Variants in CAPRIN2 observed in about 807,000 individuals in gnomAD.
CAPRIN2 encodes caprin family member 2, also known as caprin-2.
A neutral mutation model predicts 130.4 loss-of-function variants in CAPRIN2; 66 were observed. That is an observed-to-expected ratio of 0.51 (90% confidence interval 0.42 to 0.62). CAPRIN2 has a LOEUF of 0.62. Ranked by LOEUF, CAPRIN2 falls within the 20% of genes least tolerant of loss-of-function variation. The probability of loss-of-function intolerance (pLI) is 0.00; values close to 1 mark genes in which losing one functional copy is unlikely to be tolerated. For synonymous variants in CAPRIN2, 471 were observed against 444.1 expected (o/e 1.06, Z -0.76); for missense variants, 1,185 against 1,246.6 (o/e 0.95, Z 0.74).
At chr12:30,733,696 C>T (rs2063499255) in exon 5 of CAPRIN2, 1 of 1,613,238 alleles carries the variant, frequency 6.2e-7, no homozygotes, top group South Asian at 1.1e-5. Context: ...ATGACTGCTC[C>T]ATCTGGTCTT....
At chr12:30,720,115 A>G (rs12370429) in intron 12 of CAPRIN2, 96,976 of 152,032 alleles carry the variant, frequency 0.64, 32,455 homozygotes, top group African/African-American at 0.83. Context: ...TTTTGAGATG[A>G]AGTATCACTT....
chr12:30,725,094 T>C (rs2060512894), intron 9 of CAPRIN2, among the ~76,000 whole-genome samples: 2 of 152,182 alleles, frequency 1.3e-5, no homozygotes, highest in Non-Finnish European at 1.5e-5. Flanking sequence ...CCATCAATCC[T>C]AGTCTAATCA....
In CAPRIN2 at chr12:30,710,510, G is replaced by C; in HGVS notation, c.2666-40C>G. 1 of 1,611,716 alleles carries C rather than the reference G, an allele frequency of 6.2e-7. No individual in the cohort carries two copies. The highest frequency in any genetic ancestry group is 8.5e-7 in the Non-Finnish European group (1 of 1,179,518). ...ACAGTGAGTTTCTCATAATGAAGCA[G>C]TTAGCTTTGAACACAATATTTAACA... On this transcript the variant is annotated intron_variant, in intron 16 of 16. Transcript: ENST00000298892. This position sits in a 1 kb window ranked among gnomAD's most constrained non-coding sequence, Gnocchi z 4.8.
intron 11 of CAPRIN2, among the ~76,000 whole-genome samples, chr12:30,722,592 G>T (rs1276403214): frequency 2.6e-5 from 4 of 152,126 alleles, no homozygotes. Context: ...AATATACCCT[G>T]CTCAACAAAT....
intron 10 of CAPRIN2, 149 bp downstream of exon 11, chr12:30,724,221 C>T (rs1222490900): frequency 3.4e-6 from 2 of 585,078 alleles, no homozygotes; most frequent in African/African-American, 3.7e-5. Flanking sequence ...AATTTACCCA[C>T]ATATAACTGG....
chr12:30,733,726 C>G lies in CAPRIN2; in HGVS notation c.810-15G>C. ...GGTCTTCAACACTGACAAGGAAAAG[C>G]AGCAGCAGAACAAAGTGGCTTTAGA... On this transcript the variant is annotated splice_polypyrimidine_tract_variant and intron_variant, in intron 4 of 16. Coordinates refer to ENST00000298892, the Ensembl canonical transcript of CAPRIN2. 2 of 1,599,076 alleles carry G rather than the reference C, an allele frequency of 1.3e-6. No individual in the cohort carries two copies. The highest frequency in any genetic ancestry group is 1.7e-6 in the Non-Finnish European group (2 of 1,166,382).
intron 12 of CAPRIN2, among the ~76,000 whole-genome samples, chr12:30,717,368 A>G (rs1186832180): frequency 6.6e-6 from 1 of 152,220 alleles, no homozygotes; most frequent in African/African-American, 2.4e-5. Context: ...TATGAGGTAG[A>G]ATAGGTAAAT....
chr12:30,728,687 G>C (rs2061667831), exon 8 of CAPRIN2: 1 of 1,613,142 alleles, frequency 6.2e-7, no homozygotes, highest in South Asian at 1.1e-5. Context: ...GCAGCAGCTG[G>C]TCATTTGGTA....
At position 30,740,204 on chromosome 12, in the gene CAPRIN2, G is replaced by C. The variant is rs1017197624; in HGVS notation, c.570+816C>G. On this transcript the variant is annotated intron_variant, in intron 3 of 16. Coordinates refer to ENST00000298892, the Ensembl canonical transcript of CAPRIN2. ...AGATCCCTTCAGCCCAGGATTATAAGCCTCCAGAGAATTATGATCACACCA... is the reference window on the plus strand; with the variant it reads ...AGATCCCTTCAGCCCAGGATTATAACCCTCCAGAGAATTATGATCACACCA... Among the ~76,000 whole-genome samples, 14 of 152,138 alleles carry C rather than the reference G, an allele frequency of 9.2e-5. 1 individual carries two copies. The highest frequency in any genetic ancestry group is 9.2e-4 in the Admixed American group (14 of 15,270).
At chr12:30,742,598 T>C (rs112103320) in intron 2 of CAPRIN2, among the ~76,000 whole-genome samples, 28 of 150,144 alleles carry the variant, frequency 1.9e-4, no homozygotes, top group African/African-American at 5.6e-4. Context: ...ATACTAAATA[T>C]AATGAGTGAA....
chr12:30,733,720 G>A lies in CAPRIN2; in HGVS notation c.810-9C>T. On this transcript the variant is annotated splice_polypyrimidine_tract_variant and intron_variant, in intron 4 of 16. Transcript: ENST00000298892. ...CCATCTGGTCTTCAACACTGACAAG[G>A]AAAAGCAGCAGCAGAACAAAGTGGC... is the stretch of plus-strand genomic sequence containing the variant. The A allele has an allele frequency of 6.2e-7, 1 of 1,607,938 alleles. No individual in the cohort carries two copies.
intron 7 of CAPRIN2, among the ~76,000 whole-genome samples, chr12:30,729,849 A>G (rs1040825584): frequency 6.6e-6 from 1 of 152,220 alleles, no homozygotes; most frequent in African/African-American, 2.4e-5. Flanking sequence ...CAGAAAGAGA[A>G]CAAATACCCT....
intron 15 of CAPRIN2, among the ~76,000 whole-genome samples, chr12:30,713,230 A>C (rs888571306): frequency 3.9e-5 from 6 of 152,200 alleles, no homozygotes; most frequent in Non-Finnish European, 8.8e-5. Context: ...GTAAGTTCCC[A>C]AGTTTTGTTA....
intron 5 of CAPRIN2, 21 bp from the exon 7 acceptor site, chr12:30,731,531 CTTAA>C (rs1378969670): frequency 2.5e-6 from 4 of 1,594,802 alleles, no homozygotes; most frequent in Non-Finnish European, 3.4e-6. Flanking sequence ...GTGATTAAGA[CTTAA>C]TTGTCACATG....
At chr12:30,719,428 A>G (rs1468852040) in intron 12 of CAPRIN2, 1 of 568,244 alleles carries the variant, frequency 1.8e-6, no homozygotes, top group East Asian at 2.9e-5. Flanking sequence ...CAGCTTGCTG[A>G]CTAAGTGAAA....
rs1450107152 is a variant in CAPRIN2, at chr12:30,726,064, C to T, written c.1807G>A (p.Val603Ile). Reference sequence around the variant, plus strand: ...TTCGGAAGGGTAGAGGAAGAACCTACAGGCTGATGCACAGGCTTAGGCACC... The same window carrying T: ...TTCGGAAGGGTAGAGGAAGAACCTATAGGCTGATGCACAGGCTTAGGCACC... Residue 603 changes from valine to isoleucine, a missense_variant, in exon 9 of 17, where the codon GTA (valine) becomes ATA (isoleucine). Transcript: ENST00000298892. 3.2e-6 allele frequency: 5 copies of T among 1,580,668 alleles called. No individual in the cohort carries two copies. In the East Asian group the frequency reaches 9.1e-5, roughly 29 times the overall value.
intron 4 of CAPRIN2, among the ~76,000 whole-genome samples, chr12:30,734,459 G>A (rs1206217169): frequency 6.6e-6 from 1 of 152,130 alleles, no homozygotes; most frequent in African/African-American, 2.4e-5. Context: ...TGCAGGTTTT[G>A]TATTTTAAAC....
intron 14 of CAPRIN2, 66 bp from the exon 17 acceptor site, chr12:30,713,951 T>C: frequency 1.1e-6 from 1 of 940,042 alleles, no homozygotes. Context: ...AACAGTCTAA[T>C]TCTATATTGC....
intron 2 of CAPRIN2, among the ~76,000 whole-genome samples, chr12:30,747,509 C>T (rs556138719): frequency 6.6e-6 from 1 of 152,232 alleles, no homozygotes; most frequent in South Asian, 2.1e-4. Context: ...GAAACCCCAT[C>T]TCCACTAAAA....
Sources: allele counts gnomAD v4.1 joint callset (sites outside exome capture counted in the v4.1 genomes callset), GRCh38; gene constraint gnomAD v4.1.1; non-coding constraint Gnocchi (gnomAD v3.1); transcripts MANE v1.5; gene names NCBI Gene and HGNC (gene_info 2026-07-23, HGNC 2026-07-21).